The following ZRANB1 variants were observed in gnomAD, a reference collection of about 807,000 sequenced individuals.
ZRANB1 encodes the protein ubiquitin thioesterase ZRANB1.
In ZRANB1, 16 loss-of-function variants were observed where a neutral mutation model predicts 80.5. That is an observed-to-expected ratio of 0.20 (90% confidence interval 0.13 to 0.30). ZRANB1 has a LOEUF of 0.30. ZRANB1 is among the 10% of genes least tolerant of loss of function. The probability of loss-of-function intolerance (pLI) is 1.00; values close to 1 mark genes in which losing one functional copy is unlikely to be tolerated. For synonymous variants in ZRANB1, 291 were observed against 293.1 expected (o/e 0.99, Z 0.07); for missense variants, 576 against 862.6 (o/e 0.67, Z 4.16).
chr10:124,958,353 C>T (rs1951703528), intron 1 of ZRANB1, among the ~76,000 whole-genome samples: 1 of 152,132 alleles, frequency 6.6e-6, no homozygotes, highest in Non-Finnish European at 1.5e-5. Flanking sequence ...GAGTTTGATG[C>T]TGCAGGGAGC....
chr10:124,927,176 C>T, the ZRANB1 span, among the ~76,000 whole-genome samples: 3 of 152,108 alleles, frequency 2.0e-5, no homozygotes, highest in Non-Finnish European at 2.9e-5. Context: ...AGAATGGTCT[C>T]GATCTCCTGA....
In ZRANB1 at chr10:124,965,703, T is replaced by A. The variant is rs1348795872; in HGVS notation, c.815-891T>A. ...AAACACTTAAAAGTATTTGGTCCCA[T>A]AAATAATTTTTTAAAAATTGTTTTA... is the stretch of plus-strand genomic sequence containing the variant. On this transcript the variant is annotated intron_variant, in intron 1 of 8. Coordinates refer to ENST00000359653, the MANE Select transcript of ZRANB1 (RefSeq NM_017580.3). Among the ~76,000 whole-genome samples, 8 of 152,362 alleles carry A rather than the reference T, an allele frequency of 5.3e-5. No homozygotes were observed. The East Asian group carries it at 1.3e-3, about 26-fold the overall frequency.
chr10:124,933,129 CTTTTCTTTCT>C, the ZRANB1 span, among the ~76,000 whole-genome samples: 1 of 112,864 alleles, frequency 8.9e-6, no homozygotes, highest in Non-Finnish European at 1.8e-5. Flanking sequence ...AGTTTACTTT[CTTTTCTTTCT>C]TTTTTTTTTT....
chr10:124,934,252 TCCACAAA>T, the ZRANB1 span, among the ~76,000 whole-genome samples: 1,078 of 152,314 alleles, frequency 7.1e-3, 15 homozygotes, highest in African/African-American at 0.025. Flanking sequence ...GTCCAACTTA[TCCACAAA>T]TTCCTGGGAA....
chr10:124,961,141 A>G (rs1357641496), intron 1 of ZRANB1, among the ~76,000 whole-genome samples: 1 of 151,968 alleles, frequency 6.6e-6, no homozygotes, highest in African/African-American at 2.4e-5. Context: ...AGCTGAGATG[A>G]CAGGCGCACG....
chr10:124,958,841 G>A (rs1951707238), intron 1 of ZRANB1, among the ~76,000 whole-genome samples: 1 of 152,022 alleles, frequency 6.6e-6, no homozygotes, highest in Non-Finnish European at 1.5e-5. Flanking sequence ...ACTTTCTTTG[G>A]TGATTTTATC....
chr10:124,939,589 C>T (rs566673411), upstream of ZRANB1, among the ~76,000 whole-genome samples: 1 of 152,106 alleles, frequency 6.6e-6, no homozygotes, highest in African/African-American at 2.4e-5. Context: ...TGTTTAGTTG[C>T]ACCTACAAAC....
intron 2 of ZRANB1, among the ~76,000 whole-genome samples, chr10:124,970,730 T>A: frequency 6.6e-6 from 1 of 152,028 alleles, no homozygotes; most frequent in Non-Finnish European, 1.5e-5. Context: ...GACCTGTTGC[T>A]TCACACCCCA....
At chr10:124,966,994 A>G (rs1163121730) in intron 2 of ZRANB1, among the ~76,000 whole-genome samples, 1 of 152,226 alleles carries the variant, frequency 6.6e-6, no homozygotes, top group African/African-American at 2.4e-5. Flanking sequence ...TTGACTCATC[A>G]TGTTTGGTTC....
intron 5 of ZRANB1, among the ~76,000 whole-genome samples, chr10:124,974,835 A>G (rs1467428414): frequency 2.0e-5 from 3 of 152,098 alleles, no homozygotes; most frequent in Admixed American, 6.6e-5. Flanking sequence ...GTCTGGCTCA[A>G]TTGCTGTGCT....
the ZRANB1 span, among the ~76,000 whole-genome samples, chr10:124,924,171 T>G: frequency 1.3e-5 from 2 of 152,088 alleles, no homozygotes; most frequent in Non-Finnish European, 2.9e-5. Context: ...CCCAAAGTGC[T>G]GGGACTGCAG....
the ZRANB1 span, chr10:124,917,175 C>CGCCGCT: frequency 1.4e-4 from 24 of 170,322 alleles, no homozygotes; most frequent in Middle Eastern, 2.7e-3. Flanking sequence ...CGCGGGGAGT[C>CGCCGCT]GCCGCTGCCG....
chr10:124,935,343 C>T, the ZRANB1 span, among the ~76,000 whole-genome samples: 1 of 152,218 alleles, frequency 6.6e-6, no homozygotes, highest in African/African-American at 2.4e-5. Context: ...AAACATGAAT[C>T]TTAGTCCAAA....
the ZRANB1 span, among the ~76,000 whole-genome samples, chr10:124,935,456 C>T: frequency 2.6e-5 from 4 of 151,934 alleles, no homozygotes; most frequent in Admixed American, 2.6e-4. Flanking sequence ...CCTTGGGGTC[C>T]CCTCTCCTCA....
At chr10:124,937,478 G>A (rs898405782), upstream of ZRANB1, among the ~76,000 whole-genome samples, 5 of 132,338 alleles carry the variant, frequency 3.8e-5, no homozygotes, top group Admixed American at 1.5e-4. Flanking sequence ...CAGCCATTGC[G>A]CCCCACCGAG....
At chr10:124,944,088 G>A (rs1212579986) in intron 1 of ZRANB1, among the ~76,000 whole-genome samples, 1 of 152,186 alleles carries the variant, frequency 6.6e-6, no homozygotes, top group Non-Finnish European at 1.5e-5. Context: ...TGCTGTTAAA[G>A]GACAGAGACA....
At chr10:124,940,516 G>A (rs1564953614), upstream of ZRANB1, 1 of 1,289,286 alleles carries the variant, frequency 7.8e-7, no homozygotes. Flanking sequence ...CATGTGCAAG[G>A]TGGAGGTTAT....
Position 124,983,311 on chromosome 10 carries a change from C to A in ZRANB1, c.1678+7C>A, listed in dbSNP as rs370688057. The A allele has an allele frequency of 3.1e-6, 5 of 1,613,196 alleles. No individual in the cohort carries two copies. In the East Asian group the frequency reaches 1.1e-4, roughly 36 times the overall value. ...GGATATACTCGGTTTCAAGGTAAGC[C>A]ATTATTCAGGAACGTTTTACAAGTT... On this transcript the variant is annotated splice_region_variant and intron_variant, in intron 7 of 8. Coordinates refer to ENST00000359653, the MANE Select transcript of ZRANB1 (RefSeq NM_017580.3). The surrounding 1 kb of genome is among the most constrained non-coding windows in gnomAD (Gnocchi z 6.2).
the ZRANB1 span, among the ~76,000 whole-genome samples, chr10:124,920,222 G>T: frequency 1.3e-5 from 2 of 152,180 alleles, no homozygotes; most frequent in Admixed American, 6.5e-5. Context: ...ACCGCACTCG[G>T]CCGGATTTGG....
Sources: gnomAD v4.1 joint callset for allele counts (sites outside exome capture counted in the v4.1 genomes callset) on GRCh38, gnomAD v4.1.1 for gene constraint, Gnocchi (gnomAD v3.1) non-coding constraint, MANE v1.5 for transcripts, NCBI Gene and HGNC (gene_info 2026-07-23, HGNC 2026-07-21) for gene names.